Variants in EPHA3 observed in about 807,000 individuals in gnomAD.
The protein encoded by EPHA3 is ephrin type-A receptor 3.
A neutral mutation model predicts 107.1 loss-of-function variants in EPHA3; 42 were observed. The observed-to-expected ratio is 0.39, with a 90% CI of 0.31 to 0.51. The LOEUF (loss-of-function observed/expected upper bound fraction) is 0.51. Among genes scored for constraint, EPHA3 ranks in the 20% least tolerant of loss-of-function variants. The probability of loss-of-function intolerance (pLI) is 0.78; values close to 1 mark genes in which losing one functional copy is unlikely to be tolerated. For synonymous variants in EPHA3, 461 were observed against 424.8 expected, an observed-to-expected ratio of 1.09 and a Z score of -1.05; for missense variants, 1,183 against 1,211.2, an observed-to-expected ratio of 0.98 and a Z score of 0.35.
At chr3:89,383,566 C>T (rs1406263690) in intron 5 of EPHA3, among the ~76,000 whole-genome samples, 2 of 151,154 alleles carry the variant, frequency 1.3e-5, no homozygotes, top group Non-Finnish European at 2.9e-5. Context: ...AGATTTATGA[C>T]CTCAGCAGTG....
At chr3:89,144,644 T>C (rs886345365) in intron 2 of EPHA3, among the ~76,000 whole-genome samples, 1 of 151,810 alleles carries the variant, frequency 6.6e-6, no homozygotes, top group African/African-American at 2.4e-5. Context: ...TTACATTTCT[T>C]GTTATTTTTA....
At chr3:89,444,902 C>T (rs1320743519) in intron 13 of EPHA3, among the ~76,000 whole-genome samples, 1 of 152,098 alleles carries the variant, frequency 6.6e-6, no homozygotes, top group Non-Finnish European at 1.5e-5. Context: ...TACCTATTAG[C>T]AGATAATGGA....
Position 89,399,636 on chromosome 3 carries a change from T to A in EPHA3, c.1594+156T>A, listed in dbSNP as rs781185249. 8.3e-5 allele frequency: 112 copies of A among 1,349,740 alleles called. No homozygotes were observed. The Middle Eastern group carries it at 1.7e-3, about 20-fold the overall frequency. The allele number at this position is 1,349,740 out of a possible 1,614,324, so 83.6% of individuals were successfully genotyped here. On this transcript the variant is annotated intron_variant, in intron 7 of 16. Coordinates refer to ENST00000336596, the MANE Select transcript of EPHA3 (RefSeq NM_005233.6). ...CAATTTGCAGAGCCCTGTGTCTGTA[T>A]ACAGTATTTGTGTTTGTGTGGGTGT...
intron 2 of EPHA3, among the ~76,000 whole-genome samples, chr3:89,175,952 T>G (rs1189508624): frequency 6.6e-6 from 1 of 151,982 alleles, no homozygotes; most frequent in Non-Finnish European, 1.5e-5. Context: ...TGGCCACCAC[T>G]GACCCCCAAG....
chr3:89,196,957 A>G (rs1172276291), intron 2 of EPHA3, among the ~76,000 whole-genome samples: 1 of 152,110 alleles, frequency 6.6e-6, no homozygotes, highest in Non-Finnish European at 1.5e-5. Flanking sequence ...CTATGTCACA[A>G]AAGTATTACA....
intron 3 of EPHA3, among the ~76,000 whole-genome samples, chr3:89,299,989 T>G (rs1706444539): frequency 6.6e-6 from 1 of 152,006 alleles, no homozygotes. Flanking sequence ...ATTATTTTAT[T>G]TTATTTATCA....
At chr3:89,458,075 T>C (rs1458802921) in intron 15 of EPHA3, among the ~76,000 whole-genome samples, 2 of 152,178 alleles carry the variant, frequency 1.3e-5, no homozygotes, top group Non-Finnish European at 2.9e-5. Context: ...GAAACTAATT[T>C]AAATGTTTGA....
At chr3:89,317,578 G>T (rs1176545814) in intron 3 of EPHA3, among the ~76,000 whole-genome samples, 1 of 151,748 alleles carries the variant, frequency 6.6e-6, no homozygotes, top group Non-Finnish European at 1.5e-5. Context: ...GACCTGAAAA[G>T]TTAGACCTAT....
intron 16 of EPHA3, among the ~76,000 whole-genome samples, chr3:89,478,396 A>G (rs1710559356): frequency 6.6e-6 from 1 of 152,180 alleles, no homozygotes; most frequent in Non-Finnish European, 1.5e-5. Flanking sequence ...ATGAGGGCAG[A>G]GCTCAGGTGG....
At chr3:89,254,112 A>G (rs1705224170) in intron 3 of EPHA3, among the ~76,000 whole-genome samples, 2 of 152,160 alleles carry the variant, frequency 1.3e-5, no homozygotes, top group Admixed American at 6.5e-5. Context: ...CTCCGAGTTT[A>G]TATGTTATTC....
At chr3:89,151,384 G>A (rs965161335) in intron 2 of EPHA3, among the ~76,000 whole-genome samples, 1 of 152,074 alleles carries the variant, frequency 6.6e-6, no homozygotes, top group Non-Finnish European at 1.5e-5. Context: ...GCATGAAAGA[G>A]TTTTAACTGA....
At chr3:89,246,080 G>A (rs1370299215) in intron 3 of EPHA3, among the ~76,000 whole-genome samples, 1 of 151,872 alleles carries the variant, frequency 6.6e-6, no homozygotes, top group African/African-American at 2.4e-5. Context: ...TAAACAATAG[G>A]AATGCTGACT....
Position 89,481,507 on chromosome 3 carries a change from G to C in EPHA3, c.*2005G>C, listed in dbSNP as rs1390121544. The C allele has an allele frequency of 3.0e-5, 7 of 231,974 alleles. No individual in the cohort carries two copies. The highest frequency in any genetic ancestry group is 1.3e-3 in the Middle Eastern group (1 of 798). The allele number at this position is 231,974 out of a possible 1,614,324, so 14.4% of individuals were successfully genotyped here. ...GTGGTTTCAATCTAATTTTTTCCCAGACTACTATTTTCTTTTTTAGGTACT... is the reference window on the plus strand; with the variant it reads ...GTGGTTTCAATCTAATTTTTTCCCACACTACTATTTTCTTTTTTAGGTACT... On this transcript the variant is annotated 3_prime_UTR_variant, in exon 17 of 17. Transcript: ENST00000336596.
chr3:89,120,201 GTC>G (rs1489424461), intron 1 of EPHA3, among the ~76,000 whole-genome samples: 1 of 152,050 alleles, frequency 6.6e-6, no homozygotes, highest in Admixed American at 6.6e-5. Context: ...TTTCAAAAAG[GTC>G]TCTCTGAATT....
intron 2 of EPHA3, among the ~76,000 whole-genome samples, chr3:89,128,629 A>G: frequency 6.6e-6 from 1 of 151,242 alleles, no homozygotes; most frequent in Non-Finnish European, 1.5e-5. Context: ...AACATTTAGT[A>G]ACTATATATT....
rs895846050 is a variant in EPHA3 at position 89,413,094 on chromosome 3, T to G, written c.1763-47T>G. 2.5e-6 allele frequency: 4 copies of G among 1,599,260 alleles called. No individual in the cohort carries two copies. In the African/African-American group the frequency reaches 4.0e-5, roughly 16 times the overall value. On this transcript the variant is annotated intron_variant, in intron 9 of 16. Transcript: ENST00000336596. ...CCATAAAATTTGATCTATAATTGTT[T>G]GTACAAATCTAGCTACAATTGCGCC...
intron 3 of EPHA3, among the ~76,000 whole-genome samples, chr3:89,336,329 C>T (rs1404673345): frequency 6.6e-6 from 1 of 152,134 alleles, no homozygotes; most frequent in Non-Finnish European, 1.5e-5. Flanking sequence ...AGATAACACA[C>T]ACACACATTC....
intron 2 of EPHA3, among the ~76,000 whole-genome samples, chr3:89,144,886 T>A (rs1704502567): frequency 6.6e-6 from 1 of 151,740 alleles, no homozygotes; most frequent in Non-Finnish European, 1.5e-5. Flanking sequence ...AATTGAAATA[T>A]ACCAGTTTAT....
chr3:89,352,102 G>A (rs1320007990), intron 5 of EPHA3, among the ~76,000 whole-genome samples: 1 of 151,102 alleles, frequency 6.6e-6, no homozygotes, highest in Non-Finnish European at 1.5e-5. Context: ...TCGATAGAAG[G>A]TGCACTAATT....
Sources: allele counts gnomAD v4.1 joint callset (sites outside exome capture counted in the v4.1 genomes callset), GRCh38; gene constraint gnomAD v4.1.1; transcripts MANE v1.5; gene names NCBI Gene and HGNC (gene_info 2026-07-23, HGNC 2026-07-21).